GRIK3: variants seen among roughly 807,000 people sequenced by gnomAD.
The protein encoded by GRIK3 is glutamate receptor ionotropic, kainate 3.
A neutral mutation model predicts 102.5 loss-of-function variants in GRIK3; 29 were observed. That is an observed-to-expected ratio of 0.28 (90% confidence interval 0.21 to 0.39). GRIK3 has a LOEUF of 0.39. Ranked by LOEUF, GRIK3 falls within the 10% of genes least tolerant of loss-of-function variation. The pLI is 1.00. For missense variants in GRIK3, 908 were observed against 1,252.4 expected (o/e 0.73, Z 4.15); for synonymous variants, 511 against 504.9 (o/e 1.01, Z -0.16).
intron 1 of GRIK3, among the ~76,000 whole-genome samples, chr1:37,033,269 T>C (rs1642848173): frequency 6.6e-6 from 1 of 152,108 alleles, no homozygotes; most frequent in South Asian, 2.1e-4. Flanking sequence ...GAATTCGGGC[T>C]AACTTTAAAA....
At chr1:36,968,220 C>CGTGTGTGT (rs66480824) in intron 1 of GRIK3, among the ~76,000 whole-genome samples, 22 of 141,156 alleles carry the variant, frequency 1.6e-4, no homozygotes, top group African/African-American at 3.3e-4. Flanking sequence ...TCTCTCTCTC[C>CGTGTGTGT]GTGTGTGTGT....
chr1:36,903,634 C>T (rs1641254599), intron 1 of GRIK3, among the ~76,000 whole-genome samples: 1 of 151,856 alleles, frequency 6.6e-6, no homozygotes, highest in South Asian at 2.1e-4. Context: ...TTATTCAGCA[C>T]GTAAAAGAAA....
intron 13 of GRIK3, among the ~76,000 whole-genome samples, chr1:36,812,993 C>T (rs1557689460): frequency 2.6e-5 from 4 of 152,224 alleles, no homozygotes; most frequent in Non-Finnish European, 2.9e-5. Context: ...GCAACTACGA[C>T]GTGCCAGGGC....
At chr1:36,802,381 C>T (rs530004552) in intron 15 of GRIK3, among the ~76,000 whole-genome samples, 1 of 152,152 alleles carries the variant, frequency 6.6e-6, no homozygotes, top group Non-Finnish European at 1.5e-5. Context: ...ACTCGGAGGG[C>T]AGGAACCAGC....
At chr1:36,821,792 A>G (rs1642698691) in intron 11 of GRIK3, among the ~76,000 whole-genome samples, 1 of 152,214 alleles carries the variant, frequency 6.6e-6, no homozygotes, top group Admixed American at 6.5e-5. Context: ...GGGCCACTGG[A>G]AGAGCACCCA....
intron 10 of GRIK3, 37 bp from the exon 11 acceptor site, chr1:36,825,863 CAA>C (rs1642750065): frequency 1.4e-6 from 2 of 1,455,844 alleles, no homozygotes; most frequent in African/African-American, 2.8e-5. Flanking sequence ...AGACTATGAG[CAA>C]AGTCTCAGAA....
chr1:36,985,551 G>C (rs530234636), intron 1 of GRIK3, among the ~76,000 whole-genome samples: 34 of 152,262 alleles, frequency 2.2e-4, no homozygotes, highest in African/African-American at 8.2e-4. Flanking sequence ...TCCTTGTCCT[G>C]CTGGGCAAAA....
intron 9 of GRIK3, among the ~76,000 whole-genome samples, chr1:36,848,029 C>T (rs1018415694): frequency 2.0e-5 from 3 of 152,136 alleles, no homozygotes; most frequent in Non-Finnish European, 4.4e-5. Flanking sequence ...CACAGCAGGT[C>T]GGGGATCTTT....
chr1:36,923,904 C>G (rs2124306869), intron 1 of GRIK3, among the ~76,000 whole-genome samples: 1 of 152,138 alleles, frequency 6.6e-6, no homozygotes, highest in East Asian at 2.0e-4. Flanking sequence ...CACACATGCA[C>G]TGGCTGACCC....
Position 36,797,650 on chromosome 1 carries a change from C to T in GRIK3, c.*4201G>A, listed in dbSNP as rs1487553081. On this transcript the variant is annotated 3_prime_UTR_variant, in exon 16 of 16. Coordinates refer to ENST00000373091, the MANE Select transcript of GRIK3 (RefSeq NM_000831.4). ...GCAGCTGTTTGTCCAAACCTCTAGC[C>T]CCTTTGCAGATGGGTATCCACACAG... is the stretch of plus-strand genomic sequence containing the variant. 1 of 152,246 alleles carries T rather than the reference C, an allele frequency of 6.6e-6. No individual in the cohort carries two copies. The highest frequency in any genetic ancestry group is 1.5e-5 in the Non-Finnish European group (1 of 68,076). 9.4% of individuals were successfully genotyped at this position (152,246 alleles called of 1,614,324 possible).
chr1:36,992,116 A>G (rs985741032), intron 1 of GRIK3, among the ~76,000 whole-genome samples: 7 of 152,202 alleles, frequency 4.6e-5, no homozygotes, highest in African/African-American at 1.7e-4. Context: ...AAATTTACTC[A>G]TATCTCTAAG....
chr1:36,860,178 A>T (rs1243905337), intron 5 of GRIK3, among the ~76,000 whole-genome samples, 161 bp from the exon 6 acceptor site: 1 of 152,212 alleles, frequency 6.6e-6, no homozygotes, highest in Admixed American at 6.5e-5. Context: ...TAGTCACAGG[A>T]GCACCCATAG....
intron 5 of GRIK3, among the ~76,000 whole-genome samples, chr1:36,861,239 T>C (rs1570766139): frequency 6.6e-6 from 1 of 152,210 alleles, no homozygotes; most frequent in Non-Finnish European, 1.5e-5. Flanking sequence ...TGCATAAGAC[T>C]CATGGTTTTG....
rs566001995 is a variant in GRIK3 at position 36,863,736 on chromosome 1, T to C, written c.787-3719A>G. Among the ~76,000 whole-genome samples, 5 of 152,330 alleles carry C rather than the reference T, an allele frequency of 3.3e-5. No homozygotes were observed. In the South Asian group the frequency reaches 1.0e-3, roughly 32 times the overall value. On this transcript the variant is annotated intron_variant, in intron 5 of 15. Transcript: ENST00000373091. ...CAACAGAGTGCGTCAGACGCGATTC[T>C]GCTCTTATCCTGAGACTTCTGGGCT...
At chr1:36,944,195 A>T (rs1477219636) in intron 1 of GRIK3, among the ~76,000 whole-genome samples, 1 of 152,206 alleles carries the variant, frequency 6.6e-6, no homozygotes, top group Non-Finnish European at 1.5e-5. Context: ...GAAATGAAAA[A>T]GGGGTGGAGG....
chr1:36,881,773 A>C (rs1489782080), intron 2 of GRIK3, among the ~76,000 whole-genome samples: 1 of 152,158 alleles, frequency 6.6e-6, no homozygotes, highest in East Asian at 1.9e-4. Flanking sequence ...CAAAAGCCAA[A>C]GTCATAGCAG....
intron 1 of GRIK3, among the ~76,000 whole-genome samples, chr1:36,952,891 G>A (rs1474741680): frequency 6.6e-6 from 1 of 152,186 alleles, no homozygotes; most frequent in Non-Finnish European, 1.5e-5. Context: ...AACGAGCTAT[G>A]TGCCTGAGAG....
rs1361094080 is a variant in GRIK3 at position 36,837,911 on chromosome 1, T to TAGAC, written c.1530+3824_1530+3825insGTCT. Reference sequence around the variant, plus strand: ...CTTGGTGGTGCCTCAGTTCCCTGTGTGTCTGATCAATGTGAGTCAGCTCCT... The same window carrying TAGAC: ...CTTGGTGGTGCCTCAGTTCCCTGTGTAGACGTCTGATCAATGTGAGTCAGCTCCT... On this transcript the variant is annotated intron_variant, in intron 10 of 15. Coordinates refer to ENST00000373091, the MANE Select transcript of GRIK3 (RefSeq NM_000831.4). Among the ~76,000 whole-genome samples the TAGAC allele has an allele frequency of 1.5e-4, 23 of 152,324 alleles. No individual in the cohort carries two copies. In the South Asian group the frequency reaches 4.8e-3, roughly 32 times the overall value.
At chr1:36,912,238 C>T (rs1321315517) in intron 1 of GRIK3, among the ~76,000 whole-genome samples, 1 of 152,190 alleles carries the variant, frequency 6.6e-6, no homozygotes, top group Non-Finnish European at 1.5e-5. Context: ...GACACTTCCT[C>T]TGCATGCCCT....
Sources: gnomAD v4.1 joint callset for allele counts (sites outside exome capture counted in the v4.1 genomes callset) on GRCh38, gnomAD v4.1.1 for gene constraint, MANE v1.5 for transcripts, NCBI Gene and HGNC (gene_info 2026-07-23, HGNC 2026-07-21) for gene names.